Variants in FBRSL1 observed in about 807,000 individuals in gnomAD.
FBRSL1 encodes fibrosin-1-like protein.
A neutral mutation model predicts 89.6 loss-of-function variants in FBRSL1; 51 were observed. The ratio of observed to expected loss-of-function variants is 0.57; its 90% CI spans 0.45 to 0.72. FBRSL1 has a LOEUF of 0.72. FBRSL1 is among the 30% of genes least tolerant of loss of function. The pLI is 0.00. For missense variants in FBRSL1, 1,618 were observed against 1,451.8 expected, an observed-to-expected ratio of 1.11 and a Z score of -1.86; for synonymous variants, 779 against 681.1, an observed-to-expected ratio of 1.14 and a Z score of -2.24.
chr12:132,560,217 G>C (rs1719032375), intron 5 of FBRSL1: 1 of 151,994 alleles, frequency 6.6e-6, no homozygotes, highest in African/African-American at 2.4e-5. Context: ...GCGACTGCCT[G>C]GGGCGCCGGC....
intron 1 of FBRSL1, among the ~76,000 whole-genome samples, chr12:132,497,068 A>G (rs1326752518): frequency 1.3e-5 from 2 of 152,116 alleles, no homozygotes; most frequent in Non-Finnish European, 2.9e-5. Flanking sequence ...CCCTGTTTCT[A>G]GTAAAGTTAG....
chr12:132,560,101 G>A (rs1307978801), intron 5 of FBRSL1: 1 of 151,572 alleles, frequency 6.6e-6, no homozygotes. Flanking sequence ...AGCTCCGGCT[G>A]AGCAGGGCAC....
At chr12:132,550,131 G>A (rs2038028015) in intron 5 of FBRSL1, among the ~76,000 whole-genome samples, 2 of 150,986 alleles carry the variant, frequency 1.3e-5, no homozygotes, top group Non-Finnish European at 2.9e-5. Flanking sequence ...GGCGAGTTTG[G>A]CATTCCGTGC....
rs546929996 is a variant in FBRSL1, at chr12:132,582,784, A to G, written c.2202-187A>G. ...CTTCCGTCTCCCGGCCAAGGTTTCC[A>G]GGCCGCCCAGCGGGGAGAGGACGCG... On this transcript the variant is annotated intron_variant, in intron 18 of 18. Transcript: ENST00000680143. Among the ~76,000 whole-genome samples the G allele has an allele frequency of 2.6e-5, 4 of 152,076 alleles. No homozygotes were observed. In the East Asian group the frequency reaches 5.8e-4, roughly 22 times the overall value.
In FBRSL1 at chr12:132,571,994, C is replaced by T. The variant is rs1421497822; in HGVS notation, c.1378-294C>T. 8 of 496,790 alleles carry T rather than the reference C, an allele frequency of 1.6e-5. No homozygotes were observed. The Admixed American group carries it at 2.2e-4, about 14-fold the overall frequency. 30.8% of individuals were successfully genotyped at this position (496,790 alleles called of 1,614,324 possible). A position where few individuals can be genotyped will look rare whatever the true frequency, so the allele number is the denominator to read the frequency against. On this transcript the variant is annotated intron_variant, in intron 9 of 18. Transcript: ENST00000680143. Reference sequence around the variant, plus strand: ...CCGGTGTGTCCCCAGCGCGACCCAGCAGCCAGGGCTTCACGCCCCAGGCCT... The same window carrying T: ...CCGGTGTGTCCCCAGCGCGACCCAGTAGCCAGGGCTTCACGCCCCAGGCCT...
chr12:132,527,938 TCTTC>T lies in FBRSL1; in HGVS notation c.580-8_580-5del. 1.3e-6 allele frequency: 2 copies of T among 1,551,082 alleles called. No individual in the cohort carries two copies. The highest frequency in any genetic ancestry group is 1.2e-5 in the South Asian group (1 of 84,048). On this transcript the variant is annotated splice_polypyrimidine_tract_variant and intron_variant, in intron 3 of 18. Coordinates refer to ENST00000680143, the MANE Select transcript of FBRSL1 (RefSeq NM_001367871.1). The stretch of plus-strand genomic sequence containing the variant: ...AGTGGCAGCCTCACTGACTGTCCCC[TCTTC>T]CTTCCTGCAGAGCTCTGCGCATGCG...
chr12:132,571,439 C>CGCACCAACACACACACCA, intron 9 of FBRSL1: 2 of 1,550,788 alleles, frequency 1.3e-6, no homozygotes, highest in Non-Finnish European at 1.7e-6. Context: ...CACCAGCACA[C>CGCACCAACACACACACCA]GCACCAACAC....
Position 132,583,369 on chromosome 12 carries a change from C to T in FBRSL1, c.2600C>T (p.Ala867Val). The change falls in exon 19 of 19, where the codon GCT (alanine) becomes GTT (valine). Residue 867 changes from alanine (A) to valine (V), a missense_variant. Coordinates refer to ENST00000680143, the MANE Select transcript of FBRSL1 (RefSeq NM_001367871.1). ...GLELPRRAFPAAAPAPGSAAL... is the reference protein window; with the variant it reads ...GLELPRRAFPVAAPAPGSAAL... ...GAGCTGCCACGTCGCGCCTTCCCCG[C>T]TGCCGCCCCCGCCCCGGGCTCCGCC... 1 of 1,109,630 alleles carries T rather than the reference C, an allele frequency of 9.0e-7. No homozygotes were observed. Among genetic ancestry groups the T allele is most frequent in the Non-Finnish European group, 1.1e-6 (1 of 908,164 alleles). The allele number at this position is 1,109,630 out of a possible 1,614,324, so 68.7% of individuals were successfully genotyped here.
intron 4 of FBRSL1, among the ~76,000 whole-genome samples, chr12:132,535,961 A>G (rs1484706160): frequency 2.1e-5 from 3 of 141,852 alleles, no homozygotes; most frequent in South Asian, 2.3e-4. Context: ...GTGTGTGAGC[A>G]CACGTGTGTC....
intron 2 of FBRSL1, chr12:132,511,577 T>G: frequency 5.1e-6 from 5 of 985,572 alleles, no homozygotes; most frequent in Non-Finnish European, 6.0e-6. Flanking sequence ...CTCTAACCAG[T>G]GGTCCTCCAG....
In FBRSL1 at chr12:132,490,394, T is replaced by C. The variant is rs2033607938; in HGVS notation, c.-177T>C. The stretch of plus-strand genomic sequence containing the variant: ...TCCCAGGCCGCGCCGGGCCCGGGGC[T>C]GAGCCGCCCCCCGCGCCCGGCATGC... On this transcript the variant is annotated 5_prime_UTR_variant, in exon 1 of 19. It removes the in-frame stop codon of an upstream open reading frame in the 5' UTR. Coordinates refer to ENST00000680143, the MANE Select transcript of FBRSL1 (RefSeq NM_001367871.1). 2 of 235,362 alleles carry C rather than the reference T, an allele frequency of 8.5e-6. No individual in the cohort carries two copies. The highest frequency in any genetic ancestry group is 1.3e-5 in the Non-Finnish European group (2 of 152,948). 14.6% of individuals were successfully genotyped at this position (235,362 alleles called of 1,614,324 possible).
At position 132,583,035 on chromosome 12, in the gene FBRSL1, G is replaced by A; in HGVS notation, c.2266G>A (p.Val756Ile). The change falls in exon 19 of 19, where the codon GTC becomes ATC. Residue 756 changes from valine to isoleucine, a missense_variant. Coordinates refer to ENST00000680143, the MANE Select transcript of FBRSL1 (RefSeq NM_001367871.1). ...GCCCGCCACCCCCGCTGGCCACCCC[G>A]TCAGCGGCCTCCTGCTCCGGGCCCA... ...ASPATPAGHP[V>I]SGLLLRAQSE... 2 of 1,455,628 alleles carry A rather than the reference G, an allele frequency of 1.4e-6. No homozygotes were observed. The highest frequency in any genetic ancestry group is 2.6e-5 in the Admixed American group (1 of 38,752). The allele number at this position is 1,455,628 out of a possible 1,614,324, so 90.2% of individuals were successfully genotyped here.
chr12:132,507,163 G>A lies in FBRSL1; in HGVS notation c.292-990G>A, dbSNP rs144317096. The A allele has an allele frequency of 1.0e-3, 1,004 of 983,208 alleles. 9 individuals are homozygous for A. In the African/African-American group the frequency reaches 0.015, roughly 15 times the overall value. 60.9% of individuals were successfully genotyped at this position (983,208 alleles called of 1,614,324 possible). On this transcript the variant is annotated intron_variant, in intron 1 of 18. Coordinates refer to ENST00000680143, the MANE Select transcript of FBRSL1 (RefSeq NM_001367871.1). Reference sequence around the variant, plus strand: ...GGACACTGTGGCCCTCCGTGGGGGCGGATCCTCCCCAGTGGCTTCCCAGGG... The same window carrying A: ...GGACACTGTGGCCCTCCGTGGGGGCAGATCCTCCCCAGTGGCTTCCCAGGG...
At chr12:132,580,997 T>G (rs2138132971) in intron 15 of FBRSL1, 1 of 985,460 alleles carries the variant, frequency 1.0e-6, no homozygotes, top group Admixed American at 6.1e-5. Flanking sequence ...ATGTGCAGCC[T>G]CCAAGACAGA....
intron 1 of FBRSL1, among the ~76,000 whole-genome samples, chr12:132,495,294 C>T (rs968564744): frequency 6.6e-6 from 1 of 152,236 alleles, no homozygotes; most frequent in Non-Finnish European, 1.5e-5. Flanking sequence ...TGTGACCTGG[C>T]CATGTGGGGG....
intron 5 of FBRSL1, among the ~76,000 whole-genome samples, chr12:132,567,204 G>A (rs556180355): frequency 6.6e-6 from 1 of 152,262 alleles, no homozygotes; most frequent in East Asian, 1.9e-4. Flanking sequence ...CTTGGTTCCC[G>A]ATCCCCCCAC....
intron 6 of FBRSL1, among the ~76,000 whole-genome samples, chr12:132,568,684 G>A (rs938509204): frequency 6.6e-6 from 1 of 152,262 alleles, no homozygotes; most frequent in African/African-American, 2.4e-5. Context: ...ATGCAAGGCT[G>A]GCTTGGAGAT....
At chr12:132,512,096 C>T in intron 2 of FBRSL1, 1 of 825,482 alleles carries the variant, frequency 1.2e-6, no homozygotes, top group African/African-American at 1.8e-5. Context: ...TCCTGACCTT[C>T]CTGCCCACCC....
intron 4 of FBRSL1, among the ~76,000 whole-genome samples, chr12:132,534,525 C>T (rs751758530): frequency 4.6e-5 from 7 of 152,254 alleles, no homozygotes; most frequent in African/African-American, 9.6e-5. Context: ...TTTTTCTCCT[C>T]GCCACCTCCC....
Sources: gnomAD v4.1 joint callset for allele counts (sites outside exome capture counted in the v4.1 genomes callset) on GRCh38, gnomAD v4.1.1 for gene constraint, MANE v1.5 for transcripts, NCBI Gene and HGNC (gene_info 2026-07-23, HGNC 2026-07-21) for gene names.